The following MAGI2 variants were observed in gnomAD, a reference collection of about 807,000 sequenced individuals.
MAGI2 encodes membrane-associated guanylate kinase, WW and PDZ domain-containing protein 2.
In MAGI2, 35 loss-of-function variants were observed where a neutral mutation model predicts 133.3. The ratio of observed to expected loss-of-function variants is 0.26; its 90% CI spans 0.20 to 0.35. The LOEUF (loss-of-function observed/expected upper bound fraction) is 0.35, where lower values mean the gene tolerates loss of function less well. MAGI2 is among the 10% of genes least tolerant of loss of function. The probability of loss-of-function intolerance (pLI) is 1.00; values close to 1 mark genes in which losing one functional copy is unlikely to be tolerated. For missense variants in MAGI2, 1,636 were observed against 1,863.4 expected, an observed-to-expected ratio of 0.88 and a Z score of 2.25; for synonymous variants, 729 against 710.6, an observed-to-expected ratio of 1.03 and a Z score of -0.41.
chr7:78,583,712 C>T (rs1803093471), intron 3 of MAGI2, among the ~76,000 whole-genome samples: 1 of 151,958 alleles, frequency 6.6e-6, no homozygotes, highest in South Asian at 2.1e-4. Flanking sequence ...TGATATTATC[C>T]TTTTGGGGAA....
intron 6 of MAGI2, 29 bp from the exon 7 acceptor site, chr7:78,369,242 T>A: frequency 7.0e-7 from 1 of 1,435,974 alleles, no homozygotes; most frequent in African/African-American, 1.4e-5. Flanking sequence ...TTTCAGTAAA[T>A]AAAGAATATC....
At chr7:78,835,893 T>G (rs1434599338) in intron 2 of MAGI2, among the ~76,000 whole-genome samples, 1 of 152,220 alleles carries the variant, frequency 6.6e-6, no homozygotes. Context: ...ACAGTTATGT[T>G]GGCCGTGGGT....
At chr7:78,903,503 G>A (rs1366692161) in intron 2 of MAGI2, among the ~76,000 whole-genome samples, 1 of 151,972 alleles carries the variant, frequency 6.6e-6, no homozygotes, top group African/African-American at 2.4e-5. Flanking sequence ...CCGAGTTCCT[G>A]AATCTTAAGC....
chr7:78,521,017 G>C (rs1323781368), intron 4 of MAGI2, among the ~76,000 whole-genome samples: 1 of 152,086 alleles, frequency 6.6e-6, no homozygotes, highest in African/African-American at 2.4e-5. Context: ...AGCATAGCAA[G>C]ATTTCGAAGA....
intron 6 of MAGI2, among the ~76,000 whole-genome samples, chr7:78,466,000 T>TA (rs1790588308): frequency 6.6e-6 from 1 of 152,318 alleles, no homozygotes; most frequent in East Asian, 1.9e-4. Context: ...GACACACTTC[T>TA]AAATATTATC....
At chr7:78,266,584 CT>C (rs34162021) in intron 9 of MAGI2, among the ~76,000 whole-genome samples, 29,245 of 146,276 alleles carry the variant, frequency 0.2, 3,187 homozygotes, top group South Asian at 0.31. Flanking sequence ...GAAAAAATCC[CT>C]TTTTTTTTTT....
At position 78,106,377 on chromosome 7, in the gene MAGI2, C is replaced by T. The variant is rs553425209; in HGVS notation, c.3567+19317G>A. The stretch of plus-strand genomic sequence containing the variant: ...TTCCTTTCTTTTGAGTACCTAACAG[C>T]AGGATTTCTGGATCATATAGTTCTA... On this transcript the variant is annotated intron_variant, in intron 20 of 21. Coordinates refer to ENST00000354212, the MANE Select transcript of MAGI2 (RefSeq NM_012301.4). 1.8e-4 allele frequency among the ~76,000 whole-genome samples: 27 copies of T among 152,080 alleles called. 1 individual carries two copies. The highest frequency in any genetic ancestry group is 6.5e-4 in the African/African-American group (27 of 41,526).
intron 2 of MAGI2, among the ~76,000 whole-genome samples, chr7:78,839,521 T>A (rs1187715330): frequency 6.6e-6 from 1 of 152,076 alleles, no homozygotes; most frequent in Admixed American, 6.6e-5. Flanking sequence ...GAAAGAGGTC[T>A]AATTGACTCA....
chr7:79,176,353 T>A (rs897428593), intron 1 of MAGI2, among the ~76,000 whole-genome samples: 4 of 151,896 alleles, frequency 2.6e-5, no homozygotes, highest in Non-Finnish European at 5.9e-5. Flanking sequence ...CAAGGACCAT[T>A]CTAGGTCCCA....
At chr7:78,443,369 C>A (rs2362597) in intron 6 of MAGI2, among the ~76,000 whole-genome samples, 1,902 of 152,156 alleles carry the variant, frequency 0.013, 43 homozygotes, top group African/African-American at 0.044. Context: ...GTTTGAAATT[C>A]GAAACCCTGC....
intron 1 of MAGI2, among the ~76,000 whole-genome samples, chr7:79,366,267 AT>A (rs1212381191): frequency 6.6e-6 from 1 of 151,894 alleles, no homozygotes; most frequent in African/African-American, 2.4e-5. Context: ...ACAAAGAAAA[AT>A]ATATATATAT....
chr7:78,900,117 T>C lies in MAGI2; in HGVS notation c.418+106973A>G, dbSNP rs375012193. 2.0e-5 allele frequency among the ~76,000 whole-genome samples: 3 copies of C among 152,150 alleles called. No homozygotes were observed. In the East Asian group the frequency reaches 5.8e-4, roughly 29 times the overall value. The stretch of plus-strand genomic sequence containing the variant: ...TGTGTGCACAATTTAGTTAAAGCCT[T>C]GAGTGAATCCTCATTTCCACCAAGT... On this transcript the variant is annotated intron_variant, in intron 2 of 21. Transcript: ENST00000354212.
rs141488188 is a variant in MAGI2 at position 79,423,880 on chromosome 7, G to T, written c.301+29140C>A. ...CTAATGCATATTATTATATAAAAGT[G>T]CAGAGAATTTAGCAACATCTAGGAA... On this transcript the variant is annotated intron_variant, in intron 1 of 21. Transcript: ENST00000354212. Among the ~76,000 whole-genome samples the T allele has an allele frequency of 1.2e-4, 19 of 152,258 alleles. No individual in the cohort carries two copies. The East Asian group carries it at 3.7e-3, about 29-fold the overall frequency.
At chr7:78,768,812 G>A (rs1234719577) in intron 2 of MAGI2, among the ~76,000 whole-genome samples, 1 of 152,048 alleles carries the variant, frequency 6.6e-6, no homozygotes, top group Non-Finnish European at 1.5e-5. Context: ...GCATCCTCAT[G>A]CTCCCCTCTC....
At chr7:78,717,509 T>C (rs1303094500) in intron 2 of MAGI2, among the ~76,000 whole-genome samples, 1 of 152,134 alleles carries the variant, frequency 6.6e-6, no homozygotes, top group Non-Finnish European at 1.5e-5. Flanking sequence ...GTGAATCGTG[T>C]GTGCTTTCAA....
At chr7:78,214,485 T>C (rs1788076211) in intron 10 of MAGI2, among the ~76,000 whole-genome samples, 1 of 152,262 alleles carries the variant, frequency 6.6e-6, no homozygotes, top group Admixed American at 6.5e-5. Context: ...AGATATGAGA[T>C]ATGAGATATC....
At chr7:79,163,391 TG>T (rs1244012218) in intron 1 of MAGI2, among the ~76,000 whole-genome samples, 30 of 151,976 alleles carry the variant, frequency 2.0e-4, no homozygotes, top group African/African-American at 6.3e-4. Flanking sequence ...CCAGGCTGGT[TG>T]CCAACTCCTG....
At chr7:79,139,279 T>C (rs983203554) in intron 1 of MAGI2, among the ~76,000 whole-genome samples, 3 of 152,224 alleles carry the variant, frequency 2.0e-5, no homozygotes, top group African/African-American at 7.2e-5. Flanking sequence ...GTTAATCTAA[T>C]AGTTAGGATT....
intron 2 of MAGI2, among the ~76,000 whole-genome samples, chr7:78,912,816 T>A (rs185680858): frequency 0.074 from 10,772 of 144,788 alleles, 962 homozygotes; most frequent in East Asian, 0.26. Context: ...ATATATATCA[T>A]TCATATATAT....
Sources: gnomAD v4.1 joint callset for allele counts (sites outside exome capture counted in the v4.1 genomes callset) on GRCh38, gnomAD v4.1.1 for gene constraint, MANE v1.5 for transcripts, NCBI Gene and HGNC (gene_info 2026-07-23, HGNC 2026-07-21) for gene names.